Variants in C2CD5 observed in about 807,000 individuals in gnomAD.
C2CD5 encodes C2 calcium dependent domain containing 5.
C2CD5 carries 109 observed loss-of-function variants against 130.3 expected under a neutral mutation model. The observed-to-expected ratio is 0.84, with a 90% CI of 0.72 to 0.98. The LOEUF is 0.98. Ranked by LOEUF, C2CD5 falls within the 50% of genes least tolerant of loss-of-function variation. C2CD5 has a pLI of 0.00. For missense variants in C2CD5, 996 were observed against 1,261.8 expected (o/e 0.79, Z 3.19); for synonymous variants, 454 against 429.2 (o/e 1.06, Z -0.71).
chr12:22,478,830 A>G (rs917500304), intron 14 of C2CD5, among the ~76,000 whole-genome samples: 5 of 151,890 alleles, frequency 3.3e-5, no homozygotes, highest in African/African-American at 4.8e-5. Context: ...TGGGCAACAG[A>G]GCAAGACTCT....
At chr12:22,472,097 A>G in intron 18 of C2CD5, 32 bp from the exon 19 acceptor site, 2 of 1,234,230 alleles carry the variant, frequency 1.6e-6, no homozygotes, top group Non-Finnish European at 2.4e-6. Context: ...ATGTCATTTT[A>G]TTATTTTTAA....
intron 16 of C2CD5, among the ~76,000 whole-genome samples, chr12:22,473,182 A>G (rs1447764737): frequency 6.6e-6 from 1 of 152,222 alleles, no homozygotes; most frequent in African/African-American, 2.4e-5. Context: ...AGGTACAGAT[A>G]AATTTAAAGA....
chr12:22,468,101 G>T (rs1234319954), intron 22 of C2CD5, among the ~76,000 whole-genome samples: 4 of 149,036 alleles, frequency 2.7e-5, no homozygotes, highest in Non-Finnish European at 3.0e-5. Flanking sequence ...CCTATTGCAG[G>T]ATAAGGATAA....
chr12:22,479,424 A>AC (rs534106349), intron 14 of C2CD5, among the ~76,000 whole-genome samples: 188 of 152,200 alleles, frequency 1.2e-3, no homozygotes, highest in South Asian at 8.5e-3. Flanking sequence ...ATAGCAAAAA[A>AC]AAAATTAAAG....
At chr12:22,522,129 T>C (rs1950324880) in intron 7 of C2CD5, among the ~76,000 whole-genome samples, 1 of 152,228 alleles carries the variant, frequency 6.6e-6, no homozygotes, top group Non-Finnish European at 1.5e-5. Context: ...ATGGCAGTTA[T>C]GAAGTAGCAT....
At chr12:22,514,659 G>A (rs1949532238) in intron 8 of C2CD5, among the ~76,000 whole-genome samples, 1 of 152,098 alleles carries the variant, frequency 6.6e-6, no homozygotes, top group Admixed American at 6.6e-5. Context: ...TGTGAATGGA[G>A]TTGGTATGAA....
intron 22 of C2CD5, among the ~76,000 whole-genome samples, chr12:22,467,170 T>C (rs1942214336): frequency 6.6e-6 from 1 of 151,886 alleles, no homozygotes; most frequent in Admixed American, 6.5e-5. Context: ...TTTGAAATCA[T>C]TTTTTATTCT....
intron 16 of C2CD5, among the ~76,000 whole-genome samples, 197 bp from the exon 17 acceptor site, chr12:22,473,004 T>C (rs1943287265): frequency 6.6e-6 from 1 of 152,150 alleles, no homozygotes; most frequent in Non-Finnish European, 1.5e-5. Context: ...ATATTTTACG[T>C]ACAAAGTACA....
chr12:22,540,958 A>G (rs918716021), intron 2 of C2CD5, among the ~76,000 whole-genome samples: 24 of 152,216 alleles, frequency 1.6e-4, no homozygotes, highest in Non-Finnish European at 3.1e-4. Context: ...TAACTAAAAA[A>G]TATCATGCCA....
intron 10 of C2CD5, among the ~76,000 whole-genome samples, chr12:22,496,720 T>C (rs868818724): frequency 8.0e-5 from 12 of 150,490 alleles, no homozygotes; most frequent in Middle Eastern, 3.6e-3. Context: ...ACAAGTTATA[T>C]TTTATACTAT....
chr12:22,474,119 T>C (rs1415906753), intron 16 of C2CD5, among the ~76,000 whole-genome samples: 1 of 152,154 alleles, frequency 6.6e-6, no homozygotes, highest in Non-Finnish European at 1.5e-5. Context: ...TTTTTCTCTC[T>C]CTCAACTTAC....
rs1159480536 is a variant in C2CD5, at chr12:22,474,787, G to A, written c.2007C>T (p.Asp669=). 1 of 1,610,868 alleles carries A rather than the reference G, an allele frequency of 6.2e-7. No homozygotes were observed. The highest frequency in any genetic ancestry group is 1.7e-4 in the Middle Eastern group (1 of 6,046). ...AAGCATCTTTTTTCCCATGTGAAAG[G>A]TCTAATTCTGTAACTTCATCCGAGC... ...SESSDEVTEL[D]LSHGKKDAFV... The change falls in exon 16 of 27, where the codon GAC becomes GAT. Residue 669 remains aspartate (D), a synonymous_variant. Coordinates refer to ENST00000446597, the MANE Select transcript of C2CD5 (RefSeq NM_001286176.2).
chr12:22,495,900 T>C (rs1195615142), intron 10 of C2CD5, among the ~76,000 whole-genome samples: 2 of 152,018 alleles, frequency 1.3e-5, no homozygotes, highest in African/African-American at 4.8e-5. Flanking sequence ...CAGGTGACAG[T>C]ACAGACTGAA....
intron 14 of C2CD5, among the ~76,000 whole-genome samples, chr12:22,481,698 C>T (rs1247345173): frequency 6.5e-5 from 9 of 138,342 alleles, no homozygotes; most frequent in Non-Finnish European, 1.2e-4. Flanking sequence ...TCTGTCGCCT[C>T]GGTTGGAGTG....
intron 2 of C2CD5, among the ~76,000 whole-genome samples, chr12:22,541,193 TG>T (rs1299359858): frequency 6.6e-6 from 1 of 152,182 alleles, no homozygotes; most frequent in African/African-American, 2.4e-5. Context: ...ACCATCCCCC[TG>T]GAGTATCAGA....
Position 22,544,257 on chromosome 12 carries a change from A to T in C2CD5, c.-30+63T>A, listed in dbSNP as rs1420045017. 7 of 1,066,996 alleles carry T rather than the reference A, an allele frequency of 6.6e-6. No individual in the cohort carries two copies. The East Asian group carries it at 1.8e-4, about 27-fold the overall frequency. The allele number at this position is 1,066,996 out of a possible 1,614,324, so 66.1% of individuals were successfully genotyped here. ...GGCGGAGGCGCGCGGGGTAACTGAC[A>T]GCGAAGGAGCGCGCGGGGGCGCGCG... On this transcript the variant is annotated intron_variant, in intron 1 of 26. Coordinates refer to ENST00000446597, the MANE Select transcript of C2CD5 (RefSeq NM_001286176.2).
intron 23 of C2CD5, 56 bp downstream of exon 23, chr12:22,459,436 C>A: frequency 8.7e-7 from 1 of 1,153,638 alleles, no homozygotes; most frequent in South Asian, 1.3e-5. Flanking sequence ...TTTTATGCAC[C>A]ACCAAACTAG....
chr12:22,478,025 A>ACT, intron 15 of C2CD5: 1 of 364,424 alleles, frequency 2.7e-6, no homozygotes, highest in Non-Finnish European at 5.2e-6. Flanking sequence ...ACACACACAC[A>ACT]CACTCACACA....
chr12:22,457,179 T>C lies in C2CD5; in HGVS notation c.2687-18A>G. ...TGTCATGGCTAAAATTGGAGAAAAA[T>C]GAGAAAACATTCAGAACAGACGCTG... On this transcript the variant is annotated intron_variant, in intron 24 of 26. Coordinates refer to ENST00000446597, the MANE Select transcript of C2CD5 (RefSeq NM_001286176.2). 1 of 1,566,696 alleles carries C rather than the reference T, an allele frequency of 6.4e-7. No individual in the cohort carries two copies. Among genetic ancestry groups the C allele is most frequent in the Middle Eastern group, 1.7e-4 (1 of 5,888 alleles).
Sources: gnomAD v4.1 joint callset for allele counts (sites outside exome capture counted in the v4.1 genomes callset) on GRCh38, gnomAD v4.1.1 for gene constraint, MANE v1.5 for transcripts, NCBI Gene and HGNC (gene_info 2026-07-23, HGNC 2026-07-21) for gene names.